Variants in EFEMP1 observed in about 807,000 individuals in gnomAD.
EFEMP1 encodes the protein EGF-containing fibulin-like extracellular matrix protein 1.
EFEMP1 carries 18 observed loss-of-function variants against 65.7 expected under a neutral mutation model. The observed-to-expected ratio is 0.27, with a 90% CI of 0.19 to 0.41. The LOEUF (loss-of-function observed/expected upper bound fraction) is 0.41. Among genes scored for constraint, EFEMP1 ranks in the 10% least tolerant of loss-of-function variants. The probability of loss-of-function intolerance (pLI) is 1.00; values close to 1 mark genes in which losing one functional copy is unlikely to be tolerated. For missense variants in EFEMP1, 469 were observed against 624.8 expected (o/e 0.75, Z 2.66); for synonymous variants, 237 against 219.7 (o/e 1.08, Z -0.70).
intron 5 of EFEMP1, among the ~76,000 whole-genome samples, chr2:55,889,697 A>C (rs562324869): frequency 5.0e-4 from 76 of 152,304 alleles, no homozygotes; most frequent in African/African-American, 1.8e-3. Flanking sequence ...AGGAAGAGGA[A>C]TAGAGTTTAA....
chr2:55,875,071 G>A lies in EFEMP1; in HGVS notation c.881-6C>T. The A allele has an allele frequency of 1.3e-6, 2 of 1,590,608 alleles. No individual in the cohort carries two copies. The highest frequency in any genetic ancestry group is 1.7e-6 in the Non-Finnish European group (2 of 1,166,630). ...GGTTCTGCATTCATCAATGTCTGTT[G>A]AATTAGACAAGAGAAAGGACACAGA... On this transcript the variant is annotated splice_polypyrimidine_tract_variant and splice_region_variant and intron_variant, in intron 8 of 11. Coordinates refer to ENST00000355426, the MANE Select transcript of EFEMP1 (RefSeq NM_001039348.3).
chr2:55,882,385 G>A (rs1383844113), intron 5 of EFEMP1, among the ~76,000 whole-genome samples: 1 of 152,116 alleles, frequency 6.6e-6, no homozygotes, highest in African/African-American at 2.4e-5. Flanking sequence ...TCTAGCCTGT[G>A]TAGTTTAAAA....
At chr2:55,875,895 G>A (rs2104381494) in intron 8 of EFEMP1, among the ~76,000 whole-genome samples, 1 of 151,938 alleles carries the variant, frequency 6.6e-6, no homozygotes, top group East Asian at 1.9e-4. Context: ...TTTCAGTTTT[G>A]AGTGTAATGG....
Position 55,917,737 on chromosome 2 carries a change from T to C in EFEMP1, c.445A>G (p.Ile149Val), listed in dbSNP as rs758078998. 1.2e-6 allele frequency: 2 copies of C among 1,614,194 alleles called. No homozygotes were observed. Among genetic ancestry groups the C allele is most frequent in the South Asian group, 2.2e-5 (2 of 91,082 alleles). ...IRRNPADPQR[I>V]PSNPSHRIQC... ...ATACGGTGGGAAGGGTTGGAGGGAA[T>C]GCGCTGAGGGTCAGCTGGGTTCCGC... Residue 149 changes from isoleucine to valine, a missense_variant, in exon 5 of 12, where the codon ATT (isoleucine) becomes GTT (valine). Transcript: ENST00000355426. This position sits in a 1 kb window ranked among gnomAD's most constrained non-coding sequence, Gnocchi z 6.3.
chr2:55,922,410 T>G lies in EFEMP1; in HGVS notation c.31A>C (p.Thr11Pro). 6 of 1,613,760 alleles carry G rather than the reference T, an allele frequency of 3.7e-6. No homozygotes were observed. The highest frequency in any genetic ancestry group is 5.1e-6 in the Non-Finnish European group (6 of 1,179,834). Residue 11 changes from threonine to proline, a missense_variant, in exon 3 of 12, where the codon ACT becomes CCT. Transcript: ENST00000355426. The surrounding 1 kb of genome is among the most constrained non-coding windows in gnomAD (Gnocchi z 5.5). The part of the protein sequence containing the change: MLKALFLTML[T>P]LALVKSQDTE... ...TCCTGTGACTTGACCAGCGCCAGAG[T>G]CAGCATAGTTAGGAAAAGGGCTTTC... is the stretch of plus-strand genomic sequence containing the variant.
intron 5 of EFEMP1, among the ~76,000 whole-genome samples, chr2:55,913,265 A>G (rs757194638): frequency 6.6e-6 from 1 of 152,196 alleles, no homozygotes; most frequent in Non-Finnish European, 1.5e-5. Context: ...TTTGGTTTTG[A>G]AACTGGACAG....
rs528609096 is a variant in EFEMP1 at position 55,873,438 on chromosome 2, G to A, written c.1000+1508C>T. ...TCCACATAGATAGGCTAGGCAGGTC[G>A]GATCCCACCGTGCATTAATCTGCTT... On this transcript the variant is annotated intron_variant, in intron 9 of 11. Transcript: ENST00000355426. The surrounding 1 kb of genome is among the most constrained non-coding windows in gnomAD (Gnocchi z 4.6). 6.4e-4 allele frequency among the ~76,000 whole-genome samples: 97 copies of A among 152,078 alleles called. 1 individual carries two copies. Among genetic ancestry groups the A allele is most frequent in the South Asian group, 2.9e-3 (14 of 4,816 alleles).
intron 6 of EFEMP1, among the ~76,000 whole-genome samples, chr2:55,881,293 C>T (rs1447345205): frequency 1.3e-5 from 2 of 152,210 alleles, no homozygotes; most frequent in African/African-American, 2.4e-5. Flanking sequence ...ATGAAGCCCA[C>T]AGTACCAGTG....
chr2:55,917,601 A>C lies in EFEMP1; in HGVS notation c.517+64T>G. 1 of 1,605,506 alleles carries C rather than the reference A, an allele frequency of 6.2e-7. No homozygotes were observed. The highest frequency in any genetic ancestry group is 8.5e-7 in the Non-Finnish European group (1 of 1,172,552). On this transcript the variant is annotated intron_variant, in intron 5 of 11. Transcript: ENST00000355426. This position sits in a 1 kb window ranked among gnomAD's most constrained non-coding sequence, Gnocchi z 6.3. ...GAGAAGTCCTTAATAAATTATCATC[A>C]TCCTCACCACGAGGTGCACTTGGGC... is the stretch of plus-strand genomic sequence containing the variant.
intron 5 of EFEMP1, among the ~76,000 whole-genome samples, chr2:55,911,969 A>C (rs1670496980): frequency 6.6e-6 from 1 of 152,156 alleles, no homozygotes; most frequent in Non-Finnish European, 1.5e-5. Flanking sequence ...TTAGGAGTAA[A>C]TCAATTACTT....
intron 5 of EFEMP1, among the ~76,000 whole-genome samples, chr2:55,909,903 C>G (rs1212907564): frequency 1.3e-5 from 2 of 152,152 alleles, no homozygotes; most frequent in Non-Finnish European, 2.9e-5. Context: ...TACCTTGACT[C>G]TATTAAGCTA....
chr2:55,884,390 T>C (rs899773459), intron 5 of EFEMP1, among the ~76,000 whole-genome samples: 1 of 152,204 alleles, frequency 6.6e-6, no homozygotes, highest in Non-Finnish European at 1.5e-5. Context: ...TTGTCATAAA[T>C]ACCAGAAAGC....
Position 55,922,903 on chromosome 2 carries a change from A to G in EFEMP1, c.-12T>C. ...AGGCTTTCCCAGTATACTCACCTTG[A>G]GCTAGCAGAGTTCCTTGCACAGCAC... On this transcript the variant is annotated 5_prime_UTR_variant, in exon 2 of 12. Transcript: ENST00000355426. The surrounding 1 kb of genome is among the most constrained non-coding windows in gnomAD (Gnocchi z 5.5). 1 of 1,103,614 alleles carries G rather than the reference A, an allele frequency of 9.1e-7. No individual in the cohort carries two copies. The highest frequency in any genetic ancestry group is 1.1e-6 in the Non-Finnish European group (1 of 899,244). The allele number at this position is 1,103,614 out of a possible 1,614,324, so 68.4% of individuals were successfully genotyped here.
intron 6 of EFEMP1, among the ~76,000 whole-genome samples, chr2:55,880,561 GC>G (rs1467616807): frequency 1.3e-5 from 2 of 152,192 alleles, no homozygotes; most frequent in Non-Finnish European, 2.9e-5. Flanking sequence ...CTGGGCTGGG[GC>G]CCACATGGAA....
intron 5 of EFEMP1, among the ~76,000 whole-genome samples, chr2:55,882,837 T>C (rs1440983650): frequency 6.6e-6 from 1 of 152,060 alleles, no homozygotes; most frequent in Non-Finnish European, 1.5e-5. Flanking sequence ...TCAGAGGTCT[T>C]AGATCATCAC....
At chr2:55,900,426 A>G (rs1669988206) in intron 5 of EFEMP1, among the ~76,000 whole-genome samples, 1 of 151,910 alleles carries the variant, frequency 6.6e-6, no homozygotes, top group African/African-American at 2.4e-5. Flanking sequence ...CAACCCACTC[A>G]ACTGGCTCAC....
chr2:55,876,735 A>G lies in EFEMP1; in HGVS notation c.768T>C (p.Asn256=). The part of the protein sequence containing the change: ...AANNYTCVDI[N]ECDASNQCAQ... ...CACATTGATTGCTGGCATCACATTC[A>G]TTTATATCTGAAAAAAAGTTTTATA... is the stretch of plus-strand genomic sequence containing the variant. Residue 256 remains asparagine (N), a synonymous_variant, in exon 8 of 12, where the codon AAT becomes AAC. Coordinates refer to ENST00000355426, the MANE Select transcript of EFEMP1 (RefSeq NM_001039348.3). The G allele has an allele frequency of 6.2e-7, 1 of 1,604,198 alleles. No individual in the cohort carries two copies. Among genetic ancestry groups the G allele is most frequent in the Non-Finnish European group, 8.5e-7 (1 of 1,174,464 alleles).
chr2:55,868,286 C>T (rs944176134), intron 11 of EFEMP1, among the ~76,000 whole-genome samples: 1 of 151,988 alleles, frequency 6.6e-6, no homozygotes, highest in African/African-American at 2.4e-5. Flanking sequence ...TGCTATGTGC[C>T]AGGTACCATT....
Position 55,867,088 on chromosome 2 carries a change from C to G in EFEMP1, c.1467G>C (p.Gly489=). ...TTAGAAAAGACTAAAATGAAAATGG[C>G]CCCACTATTATTGTCAATCTTAACA... The part of the protein sequence containing the change: ...SSVLRLTIIV[G]PFSF Residue 489 remains glycine (G), a synonymous_variant, in exon 12 of 12, where the codon GGG becomes GGC. Transcript: ENST00000355426. This position sits in a 1 kb window ranked among gnomAD's most constrained non-coding sequence, Gnocchi z 4.3. 1 of 1,612,692 alleles carries G rather than the reference C, an allele frequency of 6.2e-7. No homozygotes were observed. Among genetic ancestry groups the G allele is most frequent in the Non-Finnish European group, 8.5e-7 (1 of 1,179,820 alleles).
Sources: allele counts gnomAD v4.1 joint callset (sites outside exome capture counted in the v4.1 genomes callset), GRCh38; gene constraint gnomAD v4.1.1; non-coding constraint Gnocchi (gnomAD v3.1); transcripts MANE v1.5; gene names NCBI Gene and HGNC (gene_info 2026-07-23, HGNC 2026-07-21).